Variants in WDR7 observed in about 807,000 individuals in gnomAD.
WDR7 encodes WD repeat-containing protein 7.
WDR7 carries 46 observed loss-of-function variants against 169.4 expected under a neutral mutation model. The observed-to-expected ratio is 0.27, with a 90% confidence interval of 0.21 to 0.35. The LOEUF is 0.35. Among genes scored for constraint, WDR7 ranks in the 10% least tolerant of loss-of-function variants. The probability of loss-of-function intolerance (pLI) is 1.00; values close to 1 mark genes in which losing one functional copy is unlikely to be tolerated. For missense variants in WDR7, 1,534 were observed against 1,859.3 expected (o/e 0.83, Z 3.22); for synonymous variants, 612 against 666.8 (o/e 0.92, Z 1.27).
At chr18:56,759,734 T>G (rs907234404) in intron 16 of WDR7, among the ~76,000 whole-genome samples, 5 of 151,296 alleles carry the variant, frequency 3.3e-5, no homozygotes, top group African/African-American at 1.2e-4. Context: ...TTATAAATGG[T>G]GGCATACTGG....
chr18:56,951,446 T>A (rs922899353), intron 25 of WDR7, among the ~76,000 whole-genome samples: 1 of 152,180 alleles, frequency 6.6e-6, no homozygotes, highest in African/African-American at 2.4e-5. Flanking sequence ...AGTTGACAGT[T>A]ACCTCTCCCC....
chr18:56,832,067 G>A (rs2045319939), intron 20 of WDR7, among the ~76,000 whole-genome samples: 1 of 152,180 alleles, frequency 6.6e-6, no homozygotes, highest in South Asian at 2.1e-4. Context: ...CCCCGACAGA[G>A]CCCAGCAAGC....
intron 26 of WDR7, among the ~76,000 whole-genome samples, chr18:57,006,924 T>C (rs1465965716): frequency 6.6e-6 from 1 of 152,132 alleles, no homozygotes; most frequent in Non-Finnish European, 1.5e-5. Flanking sequence ...TACAGGCATG[T>C]ACATCCACAA....
Position 56,926,729 on chromosome 18 carries a change from A to G in WDR7, c.3713+2621A>G, listed in dbSNP as rs529989151. 8.5e-5 allele frequency among the ~76,000 whole-genome samples: 13 copies of G among 152,362 alleles called. No homozygotes were observed. In the South Asian group the frequency reaches 2.7e-3, roughly 32 times the overall value. ...TGAATAAATGAATGTATCAGCATGT[A>G]GCCTTGAGGAGTCCAATGTAATTTT... On this transcript the variant is annotated intron_variant, in intron 22 of 27. Coordinates refer to ENST00000254442, the MANE Select transcript of WDR7 (RefSeq NM_015285.3).
chr18:56,815,418 A>G (rs2044948037), intron 19 of WDR7, among the ~76,000 whole-genome samples: 1 of 152,204 alleles, frequency 6.6e-6, no homozygotes, highest in Admixed American at 6.5e-5. Context: ...GAGCTGGCAA[A>G]TTCTCAGGCG....
At chr18:57,032,844 T>TATATACAC (rs1464286392), downstream of WDR7, 1 of 123,754 alleles carries the variant, frequency 8.1e-6, no homozygotes, top group African/African-American at 2.9e-5. Flanking sequence ...TATATATATA[T>TATATACAC]ACAGTGTAAT....
chr18:56,872,587 G>T (rs1426170973), intron 20 of WDR7: 2 of 152,098 alleles, frequency 1.3e-5, no homozygotes, highest in Non-Finnish European at 2.9e-5. Flanking sequence ...ACCCAATAAT[G>T]AGACCACGTA....
At chr18:56,997,903 C>A (rs897836438) in intron 26 of WDR7, among the ~76,000 whole-genome samples, 1 of 152,106 alleles carries the variant, frequency 6.6e-6, no homozygotes, top group African/African-American at 2.4e-5. Flanking sequence ...AAATCATAAA[C>A]GTGTATGTGT....
At chr18:56,762,986 A>C (rs996199828) in intron 16 of WDR7, among the ~76,000 whole-genome samples, 1 of 148,190 alleles carries the variant, frequency 6.7e-6, no homozygotes, top group South Asian at 2.1e-4. Flanking sequence ...TTTGAGATGG[A>C]GTCTGGCTCT....
At chr18:56,926,211 G>A (rs1027892038) in intron 22 of WDR7, among the ~76,000 whole-genome samples, 6 of 152,170 alleles carry the variant, frequency 3.9e-5, no homozygotes, top group Non-Finnish European at 8.8e-5. Context: ...AGGAGTCTGT[G>A]CCTATAGTAC....
intron 19 of WDR7, among the ~76,000 whole-genome samples, chr18:56,802,221 T>G (rs543421095): frequency 1.3e-5 from 2 of 152,334 alleles, no homozygotes; most frequent in East Asian, 3.9e-4. Flanking sequence ...ATGTTGAACA[T>G]ACTTTCATAT....
At chr18:56,850,411 A>G (rs2045624257) in intron 20 of WDR7, among the ~76,000 whole-genome samples, 1 of 152,206 alleles carries the variant, frequency 6.6e-6, no homozygotes, top group South Asian at 2.1e-4. Flanking sequence ...TGATTGAATA[A>G]ATTGATATTC....
intron 21 of WDR7, among the ~76,000 whole-genome samples, chr18:56,902,421 A>G (rs1256647837): frequency 1.3e-5 from 2 of 152,134 alleles, no homozygotes; most frequent in African/African-American, 2.4e-5. Context: ...TTTAAAAGCT[A>G]TATTTTTTAA....
At chr18:56,670,756 C>A (rs1366412852) in intron 1 of WDR7, among the ~76,000 whole-genome samples, 1 of 152,078 alleles carries the variant, frequency 6.6e-6, no homozygotes, top group African/African-American at 2.4e-5. Context: ...AGTGATCTGC[C>A]GACCTTGGCC....
At chr18:56,875,912 GTCT>G (rs1023581847) in intron 20 of WDR7, among the ~76,000 whole-genome samples, 10 of 152,170 alleles carry the variant, frequency 6.6e-5, no homozygotes, top group African/African-American at 2.2e-4. Flanking sequence ...CATTGTGTGA[GTCT>G]TCTTTTGGTT....
In WDR7 at chr18:57,020,820, A is replaced by G; in HGVS notation, c.4240A>G (p.Asn1414Asp). Residue 1414 changes from asparagine to aspartate, a missense_variant, in exon 27 of 28, where the codon AAC (asparagine) becomes GAC (aspartate). Coordinates refer to ENST00000254442, the MANE Select transcript of WDR7 (RefSeq NM_015285.3). ...PDGRYLATYS[N>D]TDSHISFWQM... The stretch of plus-strand genomic sequence containing the variant: ...TGGAAGATATCTTGCCACCTACTCA[A>G]ACACTGACAGCCACATTTCTTTTTG... 1 of 1,614,154 alleles carries G rather than the reference A, an allele frequency of 6.2e-7. No homozygotes were observed. The highest frequency in any genetic ancestry group is 8.5e-7 in the Non-Finnish European group (1 of 1,180,000).
intron 20 of WDR7, among the ~76,000 whole-genome samples, chr18:56,865,993 G>GTTT (rs1463438678): frequency 6.6e-6 from 1 of 152,014 alleles, no homozygotes; most frequent in African/African-American, 2.4e-5. Flanking sequence ...AAGATTTGAA[G>GTTT]ATACATAATA....
At chr18:56,970,838 G>C (rs2047473871) in intron 26 of WDR7, among the ~76,000 whole-genome samples, 1 of 152,142 alleles carries the variant, frequency 6.6e-6, no homozygotes. Flanking sequence ...TGGTTTTTTA[G>C]GGTAAATTCT....
intron 1 of WDR7, among the ~76,000 whole-genome samples, chr18:56,660,739 C>G (rs1033241693): frequency 6.6e-6 from 1 of 151,568 alleles, no homozygotes; most frequent in Non-Finnish European, 1.5e-5. Flanking sequence ...AAAGTGAAGA[C>G]TTTGAGGCCA....
Sources: allele counts gnomAD v4.1 joint callset (sites outside exome capture counted in the v4.1 genomes callset), GRCh38; gene constraint gnomAD v4.1.1; transcripts MANE v1.5; gene names NCBI Gene and HGNC (gene_info 2026-07-23, HGNC 2026-07-21).